The following RNF111 variants were observed in gnomAD, a reference collection of about 807,000 sequenced individuals.
The protein encoded by RNF111 is ring finger protein 111, also known as E3 ubiquitin-protein ligase Arkadia.
RNF111 carries 17 observed loss-of-function variants against 95.1 expected under a neutral mutation model. The observed-to-expected ratio is 0.18, with a 90% CI of 0.12 to 0.27. The LOEUF (loss-of-function observed/expected upper bound fraction) is 0.27, where lower values mean the gene tolerates loss of function less well. Ranked by LOEUF, RNF111 falls within the 10% of genes least tolerant of loss-of-function variation. The pLI is 1.00. For synonymous variants in RNF111, 440 were observed against 414.8 expected (o/e 1.06, Z -0.74); for missense variants, 1,189 against 1,210.4 (o/e 0.98, Z 0.26).
At chr15:58,990,362 C>T (rs2038755207) in intron 1 of RNF111, among the ~76,000 whole-genome samples, 1 of 152,134 alleles carries the variant, frequency 6.6e-6, no homozygotes, top group Non-Finnish European at 1.5e-5. Context: ...TGTGTAAAAC[C>T]TGTCATGAAG....
chr15:59,051,895 A>G (rs1365476779), intron 2 of RNF111, among the ~76,000 whole-genome samples: 2 of 152,158 alleles, frequency 1.3e-5, no homozygotes, highest in Admixed American at 6.5e-5. Context: ...AATGAAAACA[A>G]CCTTGGAAAA....
intron 1 of RNF111, among the ~76,000 whole-genome samples, chr15:59,006,826 G>T (rs143179084): frequency 0.062 from 9,358 of 151,986 alleles, 379 homozygotes; most frequent in Non-Finnish European, 0.097. Flanking sequence ...TTGCTCTGTC[G>T]CCCAGGCTGG....
At chr15:59,001,406 A>G (rs1665050) in intron 1 of RNF111, among the ~76,000 whole-genome samples, 93,486 of 151,990 alleles carry the variant, frequency 0.62, 30,125 homozygotes, top group South Asian at 0.78. Flanking sequence ...TTTGCCTGCT[A>G]TTAGTTCCTA....
chr15:59,035,411 C>A lies in RNF111; in HGVS notation c.880+3709C>A, dbSNP rs552549354. ...AAGTCTCATCTGAGACAAGGCAAGTCCCTTCTGCATATGAGCCTGTAAAAT... is the reference window on the plus strand; with the variant it reads ...AAGTCTCATCTGAGACAAGGCAAGTACCTTCTGCATATGAGCCTGTAAAAT... On this transcript the variant is annotated intron_variant, in intron 2 of 13. Coordinates refer to ENST00000348370, the MANE Select transcript of RNF111 (RefSeq NM_017610.8). 3.9e-5 allele frequency among the ~76,000 whole-genome samples: 6 copies of A among 152,282 alleles called. No individual in the cohort carries two copies. In the South Asian group the frequency reaches 1.2e-3, roughly 32 times the overall value.
At chr15:59,050,216 C>CA (rs2041919134) in intron 2 of RNF111, 1 of 152,182 alleles carries the variant, frequency 6.6e-6, no homozygotes. Context: ...AGGCTAGCAC[C>CA]ACCATGCTCG....
chr15:58,997,860 T>A (rs1260724073), intron 1 of RNF111, among the ~76,000 whole-genome samples: 2 of 151,830 alleles, frequency 1.3e-5, no homozygotes, highest in African/African-American at 4.8e-5. Context: ...TTATTTTGAT[T>A]CTTGAGCACA....
chr15:59,059,028 A>T lies in RNF111; in HGVS notation c.1366+478A>T, dbSNP rs550389978. ...TGTGATGGCTCATGCTTGTAATTCC[A>T]GTACTTTGAGGGGTTGAGGGTGGAG... On this transcript the variant is annotated intron_variant, in intron 5 of 13. Transcript: ENST00000348370. Among the ~76,000 whole-genome samples the T allele has an allele frequency of 2.0e-5, 3 of 152,310 alleles. No individual in the cohort carries two copies. The East Asian group carries it at 5.8e-4, about 29-fold the overall frequency.
At chr15:59,030,384 T>G (rs1480888398) in intron 1 of RNF111, among the ~76,000 whole-genome samples, 1 of 152,204 alleles carries the variant, frequency 6.6e-6, no homozygotes, top group Non-Finnish European at 1.5e-5. Context: ...AATAACCACT[T>G]AAAAATGTCA....
chr15:59,039,871 C>T (rs1235489602), intron 2 of RNF111, among the ~76,000 whole-genome samples: 3 of 151,886 alleles, frequency 2.0e-5, no homozygotes, highest in South Asian at 2.1e-4. Context: ...CACATGCCAC[C>T]GTGCCCAGCT....
intron 1 of RNF111, among the ~76,000 whole-genome samples, chr15:59,011,541 T>C (rs969302709): frequency 6.6e-6 from 1 of 152,238 alleles, no homozygotes; most frequent in African/African-American, 2.4e-5. Flanking sequence ...CTGTAGAGTG[T>C]AAGTCCAGTA....
chr15:59,075,402 A>G (rs1432621192), intron 6 of RNF111, among the ~76,000 whole-genome samples: 1 of 152,222 alleles, frequency 6.6e-6, no homozygotes, highest in African/African-American at 2.4e-5. Flanking sequence ...GTAATTCATG[A>G]TTTAGTCTGA....
At chr15:59,029,915 C>A (rs1167353394) in intron 1 of RNF111, among the ~76,000 whole-genome samples, 1 of 152,114 alleles carries the variant, frequency 6.6e-6, no homozygotes, top group African/African-American at 2.4e-5. Flanking sequence ...ATTGTTTATT[C>A]ATGTTTTGCA....
At chr15:59,028,812 C>G (rs1186236829) in intron 1 of RNF111, among the ~76,000 whole-genome samples, 1 of 147,198 alleles carries the variant, frequency 6.8e-6, no homozygotes, top group East Asian at 2.0e-4. Context: ...TAGAGTCTTG[C>G]TCTGTTGCTC....
intron 1 of RNF111, among the ~76,000 whole-genome samples, chr15:59,025,893 G>A (rs2040581778): frequency 2.6e-5 from 4 of 152,008 alleles, no homozygotes. Flanking sequence ...ACCACGCCTG[G>A]CTAACTTTGC....
At chr15:58,992,889 G>C (rs2141365141) in intron 1 of RNF111, among the ~76,000 whole-genome samples, 1 of 152,108 alleles carries the variant, frequency 6.6e-6, no homozygotes, top group Non-Finnish European at 1.5e-5. Context: ...GTTTAGGCTG[G>C]ACATGGTGGT....
intron 9 of RNF111, 58 bp downstream of exon 9, chr15:59,084,312 A>G: frequency 2.1e-6 from 3 of 1,422,552 alleles, no homozygotes; most frequent in Non-Finnish European, 2.8e-6. Context: ...AAACTATTGG[A>G]AGAGATGCCT....
At chr15:58,992,538 C>T (rs1393293948) in intron 1 of RNF111, among the ~76,000 whole-genome samples, 1 of 152,034 alleles carries the variant, frequency 6.6e-6, no homozygotes, top group Non-Finnish European at 1.5e-5. Context: ...ATTTTTTTGG[C>T]TGGGCCCAGT....
At chr15:59,065,781 C>T (rs945062873) in intron 5 of RNF111, among the ~76,000 whole-genome samples, 3 of 152,150 alleles carry the variant, frequency 2.0e-5, no homozygotes, top group South Asian at 2.1e-4. Context: ...CTGAGGTGGG[C>T]GGATCACCTG....
At chr15:59,059,447 G>T (rs1434000282) in intron 5 of RNF111, among the ~76,000 whole-genome samples, 1 of 152,200 alleles carries the variant, frequency 6.6e-6, no homozygotes, top group African/African-American at 2.4e-5. Flanking sequence ...AAAACACTTT[G>T]ATGGTTCCTC....
Sources: gnomAD v4.1 joint callset for allele counts (sites outside exome capture counted in the v4.1 genomes callset) on GRCh38, gnomAD v4.1.1 for gene constraint, MANE v1.5 for transcripts, NCBI Gene and HGNC (gene_info 2026-07-23, HGNC 2026-07-21) for gene names.